Variants in DEAF1 observed in about 807,000 individuals in gnomAD.
DEAF1 encodes the protein DEAF1 transcription factor.
In DEAF1, 53 loss-of-function variants were observed where a neutral mutation model predicts 58.9. The observed-to-expected ratio is 0.90, with a 90% CI of 0.72 to 1.13. The LOEUF (loss-of-function observed/expected upper bound fraction) is 1.13, where lower values mean the gene tolerates loss of function less well. Among genes scored for constraint, DEAF1 ranks in the 50% most tolerant of loss-of-function variants. The pLI is 0.00. For missense variants in DEAF1, 685 were observed against 791.4 expected (o/e 0.87, Z 1.61); for synonymous variants, 385 against 340.4 (o/e 1.13, Z -1.44).
rs117149970 is a variant in DEAF1, at chr11:700,227, C to T, written c.-438+6345G>A. On this transcript the variant is annotated intron_variant, in intron 1 of 11. Coordinates refer to the DEAF1 transcript ENST00000683307. ...TTCCTCGCCACGCTCCTGATGATCA[C>T]GTATAAAAGTAAGTCAGGGACGGGC... is the stretch of plus-strand genomic sequence containing the variant. 3.0e-3 allele frequency: 4,909 copies of T among 1,613,436 alleles called. 15 individuals are homozygous for T. Among genetic ancestry groups the T allele is most frequent in the Middle Eastern group, 5.4e-3 (33 of 6,060 alleles).
chr11:685,797 C>G (rs1860568529), intron 5 of DEAF1, among the ~76,000 whole-genome samples: 1 of 151,298 alleles, frequency 6.6e-6, no homozygotes, highest in South Asian at 2.1e-4. Flanking sequence ...GGGTGGCTCA[C>G]TTAAGGTCAG....
In DEAF1 at chr11:644,519, G is replaced by C; in HGVS notation, c.*31C>G. 1 of 1,590,506 alleles carries C rather than the reference G, an allele frequency of 6.3e-7. No homozygotes were observed. Among genetic ancestry groups the C allele is most frequent in the South Asian group, 1.1e-5 (1 of 89,864 alleles). On this transcript the variant is annotated 3_prime_UTR_variant, in exon 12 of 12. Transcript: ENST00000382409. This position sits in a 1 kb window ranked among gnomAD's most constrained non-coding sequence, Gnocchi z 4.3. ...GCAAAAGCCTCACAGGAGTGCGAGG[G>C]GCCCCAGCTCCCAGGGCGGCCGATG...
intron 10 of DEAF1, among the ~76,000 whole-genome samples, chr11:658,323 C>T (rs932323871): frequency 6.6e-6 from 1 of 152,062 alleles, no homozygotes; most frequent in Admixed American, 6.6e-5. Context: ...CGGCTACTCG[C>T]GAGGCTAAGG....
Position 688,219 on chromosome 11 carries a change from A to G in DEAF1, c.517+112T>C, listed in dbSNP as rs1247395755. 7.9e-6 allele frequency: 12 copies of G among 1,515,378 alleles called. No individual in the cohort carries two copies. Among genetic ancestry groups the G allele is most frequent in the Non-Finnish European group, 1.1e-5 (12 of 1,119,436 alleles). The allele number at this position is 1,515,378 out of a possible 1,614,324, so 93.9% of individuals were successfully genotyped here. On this transcript the variant is annotated intron_variant, in intron 3 of 11. Coordinates refer to ENST00000382409, the MANE Select transcript of DEAF1 (RefSeq NM_021008.4). This position sits in a 1 kb window ranked among gnomAD's most constrained non-coding sequence, Gnocchi z 4.3. The stretch of plus-strand genomic sequence containing the variant: ...GCTTTTACTTAAAATCTATTAATAG[A>G]TGATATTCCAAATTTACCACAAAAA...
At chr11:692,849 G>C (rs906803643) in intron 1 of DEAF1, among the ~76,000 whole-genome samples, 5 of 126,758 alleles carry the variant, frequency 3.9e-5, no homozygotes, top group African/African-American at 1.3e-4. Flanking sequence ...GCGAAACTCC[G>C]TCTCAAAAAA....
chr11:661,992 G>A (rs996409148), intron 10 of DEAF1, among the ~76,000 whole-genome samples: 1 of 152,082 alleles, frequency 6.6e-6, no homozygotes, highest in Non-Finnish European at 1.5e-5. Flanking sequence ...ACACACATTC[G>A]TAAACTTTCT....
At chr11:704,406 T>C in intron 1 of DEAF1, 6 of 1,265,262 alleles carry the variant, frequency 4.7e-6, no homozygotes, top group Non-Finnish European at 6.2e-6. Context: ...CCAGTTGTCC[T>C]GGGCCGACTT....
rs377216793 is a variant in DEAF1 at position 678,701 on chromosome 11, G to C, written c.1248C>G (p.Pro416=). ...GAATTCTTTCAAACCTACCTATTTT[G>C]GGATGTGACGTTGGCAACGCAGCTT... ...FPEAALPTSH[P]KIVLTSLPAL... Residue 416 remains proline, a synonymous_variant, in exon 9 of 12, where the codon CCC becomes CCG. Coordinates refer to ENST00000382409, the MANE Select transcript of DEAF1 (RefSeq NM_021008.4). 6.2e-7 allele frequency: 1 copy of C among 1,613,968 alleles called. No individual in the cohort carries two copies. Among genetic ancestry groups the C allele is most frequent in the Non-Finnish European group, 8.5e-7 (1 of 1,179,988 alleles).
intron 10 of DEAF1, among the ~76,000 whole-genome samples, chr11:655,692 G>A (rs573537436): frequency 2.0e-5 from 3 of 152,298 alleles, no homozygotes; most frequent in Admixed American, 6.5e-5. Flanking sequence ...TCCCTCCTTC[G>A]CAAACGTGAT....
chr11:664,218 AAAAAAG>A (rs1469174651), intron 10 of DEAF1, among the ~76,000 whole-genome samples: 6 of 152,108 alleles, frequency 3.9e-5, no homozygotes, highest in African/African-American at 1.2e-4. Context: ...TGTCTCAAGA[AAAAAAG>A]AAAAAGAAAA....
chr11:656,599 G>A (rs1251108574), intron 10 of DEAF1, among the ~76,000 whole-genome samples: 1 of 152,274 alleles, frequency 6.6e-6, no homozygotes, highest in Non-Finnish European at 1.5e-5. Flanking sequence ...CTCACAGACA[G>A]AGGTCAGGTG....
At chr11:669,372 C>G (rs1859703791) in intron 10 of DEAF1, among the ~76,000 whole-genome samples, 1 of 152,144 alleles carries the variant, frequency 6.6e-6, no homozygotes, top group African/African-American at 2.4e-5. Flanking sequence ...TGCAGTACCT[C>G]ACACCTGTCA....
intron 5 of DEAF1, among the ~76,000 whole-genome samples, chr11:685,985 A>AT (rs1181608602): frequency 6.7e-6 from 1 of 150,038 alleles, no homozygotes; most frequent in Non-Finnish European, 1.5e-5. Flanking sequence ...CCCTATTAAA[A>AT]AATACAAAAA....
At chr11:674,148 G>A (rs1001751084) in intron 10 of DEAF1, 3 of 311,188 alleles carry the variant, frequency 9.6e-6, no homozygotes, top group Non-Finnish European at 1.9e-5. Flanking sequence ...CTCAGCATTC[G>A]CCCTGCCAGT....
chr11:699,192 C>G (rs1008410597), upstream of DEAF1: 2 of 474,024 alleles, frequency 4.2e-6, no homozygotes, highest in Non-Finnish European at 7.5e-6. Flanking sequence ...AAATCCCTCA[C>G]TTTGTCCCTA....
At chr11:701,375 GT>G (rs71464108) in intron 1 of DEAF1, among the ~76,000 whole-genome samples, 43,140 of 124,138 alleles carry the variant, frequency 0.35, 6,828 homozygotes, top group Non-Finnish European at 0.39. Flanking sequence ...GTTTTGTTTT[GT>G]TTTTTTTTGG....
intron 9 of DEAF1, among the ~76,000 whole-genome samples, chr11:677,301 C>T (rs1332699439): frequency 6.6e-6 from 1 of 150,622 alleles, no homozygotes; most frequent in Admixed American, 6.6e-5. Flanking sequence ...GAGATCAAGA[C>T]CATCCTGGCC....
At chr11:655,841 TTA>T (rs1370797053) in intron 10 of DEAF1, among the ~76,000 whole-genome samples, 44 of 151,952 alleles carry the variant, frequency 2.9e-4, no homozygotes, top group South Asian at 1.9e-3. Flanking sequence ...ATTATTATTA[TTA>T]TTTTTTTGAG....
intron 11 of DEAF1, among the ~76,000 whole-genome samples, chr11:649,332 G>A (rs1406512214): frequency 6.6e-6 from 1 of 151,996 alleles, no homozygotes; most frequent in East Asian, 1.9e-4. Flanking sequence ...TGAAGGAGGA[G>A]TATTGCTTGA....
Sources: allele counts gnomAD v4.1 joint callset (sites outside exome capture counted in the v4.1 genomes callset), GRCh38; gene constraint gnomAD v4.1.1; non-coding constraint Gnocchi (gnomAD v3.1); transcripts MANE v1.5; gene names NCBI Gene and HGNC (gene_info 2026-07-23, HGNC 2026-07-21).